CCDC150: variants seen among roughly 807,000 people sequenced by gnomAD.
CCDC150 encodes the protein coiled-coil domain containing 150, also known as coiled-coil domain-containing protein 150.
CCDC150 carries 151 observed loss-of-function variants against 156.5 expected under a neutral mutation model. That is an observed-to-expected ratio of 0.97 (90% CI 0.85 to 1.10). CCDC150 has a LOEUF of 1.10. Among genes scored for constraint, CCDC150 ranks in the 50% least tolerant of loss-of-function variants. CCDC150 has a pLI of 0.00. For synonymous variants in CCDC150, 452 were observed against 429.4 expected, an observed-to-expected ratio of 1.05 and a Z score of -0.65; for missense variants, 1,312 against 1,268.1, an observed-to-expected ratio of 1.03 and a Z score of -0.53.
At chr2:196,711,386 C>G (rs1697102092) in intron 15 of CCDC150, among the ~76,000 whole-genome samples, 1 of 151,986 alleles carries the variant, frequency 6.6e-6, no homozygotes, top group East Asian at 1.9e-4. Flanking sequence ...AGATAGGAAA[C>G]AAGATATTGA....
At chr2:196,650,333 G>A (rs1279386632) in intron 2 of CCDC150, among the ~76,000 whole-genome samples, 1 of 152,180 alleles carries the variant, frequency 6.6e-6, no homozygotes, top group Non-Finnish European at 1.5e-5. Flanking sequence ...GCATCTCAAG[G>A]ATGAATCTCA....
chr2:196,730,762 A>G, intron 25 of CCDC150, 97 bp from the exon 26 acceptor site: 1 of 877,334 alleles, frequency 1.1e-6, no homozygotes, highest in East Asian at 2.7e-5. Context: ...ACTCCATCCT[A>G]TTTTCATATT....
intron 2 of CCDC150, 61 bp downstream of exon 2, chr2:196,646,565 C>T: frequency 7.6e-7 from 1 of 1,317,112 alleles, no homozygotes; most frequent in Non-Finnish European, 1.1e-6. Context: ...CTTATTAAGT[C>T]ACAGTAGTTT....
In CCDC150 at chr2:196,729,236, T is replaced by G; in HGVS notation, c.2600T>G (p.Val867Gly). ...GAAGCTAACTTCAGATCAGTGGAAGTGTCCCGGACCAACCGAGAGCTGCGA... is the reference window on the plus strand; with the variant it reads ...GAAGCTAACTTCAGATCAGTGGAAGGGTCCCGGACCAACCGAGAGCTGCGA... ...LDEANFRSVE[V>G]SRTNRELRQK... Residue 867 changes from valine (V) to glycine (G), a missense_variant, in exon 23 of 28, where the codon GTG becomes GGG. By Grantham distance (109) the Val-to-Gly change is moderately radical (BLOSUM62 -3). Transcript: ENST00000389175. The G allele has an allele frequency of 1.2e-6, 2 of 1,613,492 alleles. No individual in the cohort carries two copies. The highest frequency in any genetic ancestry group is 1.7e-6 in the Non-Finnish European group (2 of 1,179,728).
At chr2:196,644,550 A>ATCAGTT (rs1692422123) in intron 1 of CCDC150, among the ~76,000 whole-genome samples, 1 of 150,434 alleles carries the variant, frequency 6.6e-6, no homozygotes, top group African/African-American at 2.4e-5. Flanking sequence ...GAGTCTCCAC[A>ATCAGTT]TCAGTTTTTT....
At chr2:196,659,115 C>A (rs879867657) in intron 5 of CCDC150, among the ~76,000 whole-genome samples, 1 of 152,162 alleles carries the variant, frequency 6.6e-6, no homozygotes, top group African/African-American at 2.4e-5. Context: ...GGAATAGTTA[C>A]CACTCGTGGC....
At chr2:196,674,162 A>G (rs144064562) in intron 9 of CCDC150, 79 bp from the exon 10 acceptor site, 11,240 of 836,470 alleles carry the variant, frequency 0.013, 216 homozygotes, top group Non-Finnish European at 0.012. Flanking sequence ...ATACTATGCA[A>G]TCATTAAAAA....
intron 7 of CCDC150, among the ~76,000 whole-genome samples, chr2:196,669,467 C>T (rs1159755503): frequency 6.6e-6 from 1 of 152,162 alleles, no homozygotes; most frequent in South Asian, 2.1e-4. Flanking sequence ...TGACCAGAGT[C>T]GGTCCTCATC....
chr2:196,662,866 G>A (rs918090335), intron 5 of CCDC150, among the ~76,000 whole-genome samples: 9 of 151,880 alleles, frequency 5.9e-5, no homozygotes, highest in African/African-American at 2.2e-4. Flanking sequence ...AGCCTGGGAG[G>A]TCGAGGCTGC....
At chr2:196,724,414 GAATTTAA>G (rs1385707676) in intron 21 of CCDC150, among the ~76,000 whole-genome samples, 1 of 152,094 alleles carries the variant, frequency 6.6e-6, no homozygotes, top group East Asian at 1.9e-4. Flanking sequence ...CTAAAATTTA[GAATTTAA>G]ATTTTTAGAG....
intron 13 of CCDC150, among the ~76,000 whole-genome samples, chr2:196,689,838 A>G (rs1695342224): frequency 6.6e-6 from 1 of 152,176 alleles, no homozygotes; most frequent in African/African-American, 2.4e-5. Flanking sequence ...TTCAAAGGGA[A>G]TGCTTTCAGT....
At chr2:196,714,900 A>G (rs1185769166) in intron 17 of CCDC150, among the ~76,000 whole-genome samples, 3 of 152,194 alleles carry the variant, frequency 2.0e-5, no homozygotes, top group Non-Finnish European at 4.4e-5. Flanking sequence ...GATTATCAGG[A>G]CCTGTAAGTT....
intron 2 of CCDC150, among the ~76,000 whole-genome samples, chr2:196,651,721 A>G (rs1222274507): frequency 6.6e-6 from 1 of 152,164 alleles, no homozygotes; most frequent in Non-Finnish European, 1.5e-5. Context: ...TTAACTTTTG[A>G]CAATTTGATG....
intron 2 of CCDC150, among the ~76,000 whole-genome samples, chr2:196,652,187 G>A (rs546280746): frequency 6.6e-5 from 10 of 152,150 alleles, no homozygotes; most frequent in East Asian, 5.8e-4. Flanking sequence ...TGTTCTTCTC[G>A]CACTGCAAAA....
chr2:196,730,837 A>G, intron 25 of CCDC150, 22 bp from the exon 26 acceptor site: 1 of 1,552,618 alleles, frequency 6.4e-7, no homozygotes. Context: ...AGTTTATAAA[A>G]ATCTTTGTAT....
chr2:196,667,505 A>C (rs1693917960), intron 7 of CCDC150: 1 of 153,202 alleles, frequency 6.5e-6, no homozygotes, highest in African/African-American at 2.4e-5. Flanking sequence ...AGTCTCAATG[A>C]CAGAGGTCAC....
At chr2:196,730,730 G>T in intron 25 of CCDC150, 129 bp from the exon 26 acceptor site, 1 of 663,068 alleles carries the variant, frequency 1.5e-6, no homozygotes, top group Non-Finnish European at 2.6e-6. Flanking sequence ...TCATATGTCA[G>T]TAGCACCTGA....
chr2:196,666,965 T>C (rs2125598691), intron 7 of CCDC150, 117 bp downstream of exon 7: 1 of 1,076,936 alleles, frequency 9.3e-7, no homozygotes, highest in Non-Finnish European at 1.4e-6. Context: ...CCCACAGTGC[T>C]GTATGTAAAA....
At chr2:196,703,038 T>A (rs1303064472) in intron 15 of CCDC150, among the ~76,000 whole-genome samples, 1 of 152,198 alleles carries the variant, frequency 6.6e-6, no homozygotes, top group African/African-American at 2.4e-5. Flanking sequence ...TGAGAGCAGA[T>A]CCCTCATTAC....
Sources: gnomAD v4.1 joint callset for allele counts (sites outside exome capture counted in the v4.1 genomes callset) on GRCh38, gnomAD v4.1.1 for gene constraint, MANE v1.5 for transcripts, NCBI Gene and HGNC (gene_info 2026-07-23, HGNC 2026-07-21) for gene names.